The following PRKCA variants were observed in gnomAD, a reference collection of about 807,000 sequenced individuals.
PRKCA encodes the protein protein kinase C alpha type.
In PRKCA, 27 loss-of-function variants were observed where a neutral mutation model predicts 87.0. The observed-to-expected ratio is 0.31, with a 90% CI of 0.23 to 0.43. The LOEUF is 0.43. PRKCA is among the 20% of genes least tolerant of loss of function. The probability of loss-of-function intolerance (pLI) is 1.00; values close to 1 mark genes in which losing one functional copy is unlikely to be tolerated. For missense variants in PRKCA, 518 were observed against 852.3 expected (o/e 0.61, Z 4.88); for synonymous variants, 329 against 311.1 (o/e 1.06, Z -0.61).
chr17:66,337,269 C>T (rs542151058), intron 2 of PRKCA, among the ~76,000 whole-genome samples: 1 of 152,214 alleles, frequency 6.6e-6, no homozygotes, highest in East Asian at 1.9e-4. Flanking sequence ...GAATAGATAT[C>T]GTTGGTGATC....
intron 3 of PRKCA, among the ~76,000 whole-genome samples, chr17:66,544,871 G>T (rs1968097452): frequency 6.6e-6 from 1 of 152,126 alleles, no homozygotes; most frequent in Non-Finnish European, 1.5e-5. Flanking sequence ...GGGATTACAG[G>T]CATGAGCCAC....
intron 14 of PRKCA, among the ~76,000 whole-genome samples, chr17:66,786,018 C>G (rs534816628): frequency 1.3e-5 from 2 of 152,072 alleles, no homozygotes; most frequent in Non-Finnish European, 2.9e-5. Context: ...TTAGTAGAGA[C>G]GGGGTTTCAC....
intron 13 of PRKCA, among the ~76,000 whole-genome samples, chr17:66,752,032 A>G (rs1260619497): frequency 6.6e-6 from 1 of 152,186 alleles, no homozygotes; most frequent in Non-Finnish European, 1.5e-5. Context: ...TTACATTTCA[A>G]CATGAAATGT....
intron 14 of PRKCA, among the ~76,000 whole-genome samples, chr17:66,784,872 C>A (rs997151616): frequency 6.6e-6 from 1 of 152,160 alleles, no homozygotes; most frequent in African/African-American, 2.4e-5. Context: ...GGGTGCCCCC[C>A]CAAGCTGCCC....
chr17:66,789,678 C>T (rs1420281165), intron 16 of PRKCA, among the ~76,000 whole-genome samples: 1 of 152,212 alleles, frequency 6.6e-6, no homozygotes, highest in Admixed American at 6.5e-5. Context: ...AGGAAACAGT[C>T]ACAGAGAGGC....
chr17:66,419,680 A>T (rs1912374766), intron 2 of PRKCA, among the ~76,000 whole-genome samples: 2 of 152,332 alleles, frequency 1.3e-5, no homozygotes, highest in South Asian at 4.1e-4. Context: ...ACTAACCAGA[A>T]TTAAACACTC....
At chr17:66,319,893 C>T (rs1905548138) in intron 2 of PRKCA, among the ~76,000 whole-genome samples, 1 of 152,058 alleles carries the variant, frequency 6.6e-6, no homozygotes. Flanking sequence ...AGGCGCCTGC[C>T]ACCACACCTG....
At chr17:66,681,806 C>A (rs1018541369) in intron 5 of PRKCA, among the ~76,000 whole-genome samples, 9 of 152,172 alleles carry the variant, frequency 5.9e-5, no homozygotes, top group Admixed American at 2.0e-4. Flanking sequence ...CCTGACTTTC[C>A]CCTGTGCACC....
intron 2 of PRKCA, among the ~76,000 whole-genome samples, chr17:66,356,503 C>T (rs183919475): frequency 2.7e-4 from 41 of 152,104 alleles, no homozygotes; most frequent in Admixed American, 2.6e-3. Flanking sequence ...GGCGTGGTGT[C>T]GGGTGCCTGT....
intron 2 of PRKCA, among the ~76,000 whole-genome samples, chr17:66,312,385 C>T (rs1037693074): frequency 6.6e-6 from 1 of 152,202 alleles, no homozygotes; most frequent in African/African-American, 2.4e-5. Flanking sequence ...ACATTAACTC[C>T]TCACTTGCTC....
intron 5 of PRKCA, among the ~76,000 whole-genome samples, chr17:66,651,910 A>G (rs1007460087): frequency 1.5e-4 from 23 of 152,186 alleles, no homozygotes; most frequent in Admixed American, 6.5e-4. Flanking sequence ...GATGAACAGC[A>G]ACCTCCCACC....
At chr17:66,787,792 C>A (rs1435146909) in intron 15 of PRKCA, among the ~76,000 whole-genome samples, 1 of 152,094 alleles carries the variant, frequency 6.6e-6, no homozygotes, top group African/African-American at 2.4e-5. Context: ...ACAAACTGAA[C>A]CTTACAGTGT....
At chr17:66,538,948 C>T (rs908918055) in intron 3 of PRKCA, among the ~76,000 whole-genome samples, 2 of 152,176 alleles carry the variant, frequency 1.3e-5, no homozygotes, top group African/African-American at 4.8e-5. Context: ...AGGCCCTCAT[C>T]GAAGGCATAG....
At chr17:66,632,072 T>C (rs1971030206) in intron 3 of PRKCA, among the ~76,000 whole-genome samples, 1 of 152,148 alleles carries the variant, frequency 6.6e-6, no homozygotes, top group Non-Finnish European at 1.5e-5. Context: ...AAAGCCCCTG[T>C]GTAGTGAGAT....
chr17:66,406,757 A>G (rs937793319), intron 2 of PRKCA, among the ~76,000 whole-genome samples: 1 of 152,048 alleles, frequency 6.6e-6, no homozygotes, highest in African/African-American at 2.4e-5. Flanking sequence ...GTAAAATTAC[A>G]CAGCCATCTA....
intron 3 of PRKCA, among the ~76,000 whole-genome samples, chr17:66,503,840 G>A (rs1916856964): frequency 6.6e-6 from 1 of 152,162 alleles, no homozygotes; most frequent in Non-Finnish European, 1.5e-5. Flanking sequence ...TGAATCTTCT[G>A]TTTTTTCGAA....
intron 2 of PRKCA, among the ~76,000 whole-genome samples, chr17:66,341,538 ATC>A (rs760568429): frequency 7.2e-5 from 11 of 152,212 alleles, no homozygotes; most frequent in Non-Finnish European, 1.2e-4. Context: ...AAATCTGAAC[ATC>A]TCACCTCGAA....
chr17:66,332,526 C>A (rs1222526836), intron 2 of PRKCA, among the ~76,000 whole-genome samples: 11 of 152,134 alleles, frequency 7.2e-5, no homozygotes, highest in African/African-American at 2.7e-4. Flanking sequence ...TTGCACCTGA[C>A]TGAAAGTATT....
chr17:66,744,741 G>A (rs1002842107), intron 13 of PRKCA, among the ~76,000 whole-genome samples: 6 of 152,176 alleles, frequency 3.9e-5, no homozygotes, highest in Admixed American at 1.3e-4. Context: ...TTATTATCAT[G>A]TGGTTCCGGA....
Sources: allele counts gnomAD v4.1 joint callset (sites outside exome capture counted in the v4.1 genomes callset), GRCh38; gene constraint gnomAD v4.1.1; transcripts MANE v1.5; gene names NCBI Gene and HGNC (gene_info 2026-07-23, HGNC 2026-07-21).